Variants in PCLO observed in about 807,000 individuals in gnomAD.
PCLO encodes the protein protein piccolo.
In PCLO, 82 loss-of-function variants were observed where a neutral mutation model predicts 427.5. The observed-to-expected ratio is 0.19, with a 90% CI of 0.16 to 0.23. The LOEUF is 0.23. Ranked by LOEUF, PCLO falls within the 10% of genes least tolerant of loss-of-function variation. PCLO has a pLI of 1.00. For missense variants in PCLO, 6,239 were observed against 6,115.9 expected, an observed-to-expected ratio of 1.02 and a Z score of -0.67; for synonymous variants, 2,357 against 2,155.4, an observed-to-expected ratio of 1.09 and a Z score of -2.59.
intron 3 of PCLO, among the ~76,000 whole-genome samples, chr7:83,076,891 T>G (rs1036054999): frequency 8.6e-5 from 13 of 152,022 alleles, no homozygotes; most frequent in African/African-American, 3.1e-4. Flanking sequence ...GGTATACATG[T>G]GGAATAGTAA....
At chr7:82,878,178 C>A (rs1793419903) in intron 10 of PCLO, among the ~76,000 whole-genome samples, 1 of 152,138 alleles carries the variant, frequency 6.6e-6, no homozygotes, top group Admixed American at 6.6e-5. Context: ...GAGATTTGTA[C>A]AGAATATCTT....
chr7:82,864,068 C>T (rs561437355), intron 10 of PCLO, among the ~76,000 whole-genome samples: 1 of 152,172 alleles, frequency 6.6e-6, no homozygotes, highest in African/African-American at 2.4e-5. Flanking sequence ...CAGGTCTCCT[C>T]ATTCCTCATC....
chr7:83,151,977 T>TG (rs1792142487), intron 2 of PCLO, among the ~76,000 whole-genome samples: 1 of 152,002 alleles, frequency 6.6e-6, no homozygotes, highest in Non-Finnish European at 1.5e-5. Flanking sequence ...TTTTTTTTTT[T>TG]GAGACAGAGT....
chr7:82,820,632 G>A, intron 20 of PCLO: 1 of 1,230,206 alleles, frequency 8.1e-7, no homozygotes, highest in East Asian at 3.2e-5. Context: ...AGGTAAATGA[G>A]TGCATTAACA....
At chr7:82,882,769 T>C (rs1487042770) in intron 9 of PCLO, among the ~76,000 whole-genome samples, 5 of 152,106 alleles carry the variant, frequency 3.3e-5, no homozygotes, top group African/African-American at 4.8e-5. Context: ...ATTTGATAAA[T>C]ATGCTACTTT....
intron 13 of PCLO, among the ~76,000 whole-genome samples, chr7:82,842,972 T>C (rs991647815): frequency 6.6e-6 from 1 of 151,986 alleles, no homozygotes; most frequent in East Asian, 1.9e-4. Context: ...AATTGATATA[T>C]CCATAATGGA....
At chr7:82,815,157 AT>A (rs1791651557) in intron 20 of PCLO, among the ~76,000 whole-genome samples, 7 of 152,074 alleles carry the variant, frequency 4.6e-5, no homozygotes, top group Non-Finnish European at 1.0e-4. Context: ...AATTAAAAAT[AT>A]ATTTTATCAT....
At chr7:83,029,262 GAAA>G (rs201134210) in intron 3 of PCLO, among the ~76,000 whole-genome samples, 3 of 126,890 alleles carry the variant, frequency 2.4e-5, no homozygotes, top group Non-Finnish European at 5.1e-5. Context: ...AAATTTACAA[GAAA>G]AAAAAAAAAA....
chr7:82,789,260 G>A (rs564455511), intron 22 of PCLO, among the ~76,000 whole-genome samples: 67 of 152,006 alleles, frequency 4.4e-4, no homozygotes, highest in Non-Finnish European at 7.9e-4. Context: ...ACTCAGATAA[G>A]CTTGCTTGTA....
chr7:82,958,617 C>G (rs1451190670), intron 4 of PCLO, among the ~76,000 whole-genome samples: 2 of 152,104 alleles, frequency 1.3e-5, no homozygotes, highest in South Asian at 2.1e-4. Context: ...AGTGCAAAAA[C>G]TAATGCCTAC....
At chr7:83,079,050 A>G (rs944944322) in intron 3 of PCLO, among the ~76,000 whole-genome samples, 2 of 152,146 alleles carry the variant, frequency 1.3e-5, no homozygotes, top group African/African-American at 4.8e-5. Context: ...TAATATACAA[A>G]TTTATAATAA....
In PCLO at chr7:82,801,564, C is replaced by T. The variant is rs1791353363; in HGVS notation, c.14961G>A (p.Glu4987=). 1 of 1,596,100 alleles carries T rather than the reference C, an allele frequency of 6.3e-7. No individual in the cohort carries two copies. The highest frequency in any genetic ancestry group is 8.6e-7 in the Non-Finnish European group (1 of 1,163,984). The change falls in exon 22 of 25, where the codon GAG becomes GAA. Residue 4987 remains glutamate, a synonymous_variant. Transcript: ENST00000333891. Reference sequence around the variant, plus strand: ...CTCCTACCCCTGGCTGTTTTACAGGCTCTTGTCCATTCTGTCCCATCTTCC... The same window carrying T: ...CTCCTACCCCTGGCTGTTTTACAGGTTCTTGTCCATTCTGTCCCATCTTCC... ...RIGKMGQNGQ[E]PVKQPGVGVG...
chr7:83,005,287 A>G (rs1015910884), intron 3 of PCLO, among the ~76,000 whole-genome samples: 2 of 151,660 alleles, frequency 1.3e-5, no homozygotes, highest in African/African-American at 4.8e-5. Flanking sequence ...AACCTAAAAG[A>G]CATTATGCTA....
Position 82,757,447 on chromosome 7 carries a change from G to A in PCLO, c.*1128C>T, listed in dbSNP as rs764323872. The A allele has an allele frequency of 2.6e-5, 4 of 151,844 alleles. No individual in the cohort carries two copies. Among genetic ancestry groups the A allele is most frequent in the African/African-American group, 9.7e-5 (4 of 41,344 alleles). 9.4% of individuals were successfully genotyped at this position (151,844 alleles called of 1,614,324 possible). A position where few individuals can be genotyped will look rare whatever the true frequency, so the allele number is the denominator to read the frequency against. On this transcript the variant is annotated 3_prime_UTR_variant, in exon 25 of 25. Transcript: ENST00000333891. ...GAAAATAGAGCACTAGAGAGAACTC[G>A]AGTTTAGTGTCATGTTTTCATGATA... is the stretch of plus-strand genomic sequence containing the variant.
intron 8 of PCLO, among the ~76,000 whole-genome samples, chr7:82,903,347 A>G (rs73707104): frequency 0.024 from 3,675 of 152,078 alleles, 156 homozygotes; most frequent in African/African-American, 0.084. Context: ...GTTCACTTTA[A>G]TACTTTTTAA....
At chr7:82,873,289 A>G (rs186962684) in intron 10 of PCLO, among the ~76,000 whole-genome samples, 2 of 149,838 alleles carry the variant, frequency 1.3e-5, no homozygotes, top group South Asian at 2.1e-4. Flanking sequence ...AAGCTGAGAC[A>G]CTCCATCCCC....
chr7:82,865,217 G>T (rs1365110342), intron 10 of PCLO, among the ~76,000 whole-genome samples: 1 of 152,150 alleles, frequency 6.6e-6, no homozygotes, highest in Non-Finnish European at 1.5e-5. Flanking sequence ...GCCGGGCATG[G>T]CGGCTTACAC....
At chr7:82,998,756 C>A (rs573105250) in intron 3 of PCLO, among the ~76,000 whole-genome samples, 1 of 151,802 alleles carries the variant, frequency 6.6e-6, no homozygotes, top group East Asian at 1.9e-4. Context: ...ACATCATATC[C>A]AGCTATCAAG....
Position 82,950,172 on chromosome 7 carries a change from G to A in PCLO, c.10416C>T (p.Val3472=), listed in dbSNP as rs1370492579. Residue 3472 remains valine (V), a synonymous_variant, in exon 6 of 25, where the codon GTC becomes GTT. Transcript: ENST00000333891. ...RRTKKSVDTS[V]QTDDEDQDEW... ...CATCCTGATCTTCATCATCAGTTTGGACGCTTGTATCCACACTCTTTTTAG... is the reference window on the plus strand; with the variant it reads ...CATCCTGATCTTCATCATCAGTTTGAACGCTTGTATCCACACTCTTTTTAG... 1 of 1,610,558 alleles carries A rather than the reference G, an allele frequency of 6.2e-7. No individual in the cohort carries two copies. The highest frequency in any genetic ancestry group is 1.4e-5 in the African/African-American group (1 of 73,578).
Sources: allele counts gnomAD v4.1 joint callset (sites outside exome capture counted in the v4.1 genomes callset), GRCh38; gene constraint gnomAD v4.1.1; transcripts MANE v1.5; gene names NCBI Gene and HGNC (gene_info 2026-07-23, HGNC 2026-07-21).